GTF2F1: variants seen among roughly 807,000 people sequenced by gnomAD.
GTF2F1 encodes the protein general transcription factor IIF 74 kDa subunit.
In GTF2F1, 39 loss-of-function variants were observed where a neutral mutation model predicts 63.5. The ratio of observed to expected loss-of-function variants is 0.61; its 90% CI spans 0.48 to 0.80. The LOEUF is 0.80. Among genes scored for constraint, GTF2F1 ranks in the 30% least tolerant of loss-of-function variants. The probability of loss-of-function intolerance (pLI) is 0.00; values close to 1 mark genes in which losing one functional copy is unlikely to be tolerated. For synonymous variants in GTF2F1, 287 were observed against 285.3 expected, an observed-to-expected ratio of 1.01 and a Z score of -0.06; for missense variants, 657 against 718.3, an observed-to-expected ratio of 0.91 and a Z score of 0.97.
Position 6,393,153 on chromosome 19 carries a change from T to A in GTF2F1, c.-158A>T. 1 of 912,026 alleles carries A rather than the reference T, an allele frequency of 1.1e-6. No individual in the cohort carries two copies. Among genetic ancestry groups the A allele is most frequent in the Non-Finnish European group, 1.7e-6 (1 of 591,242 alleles). 56.5% of individuals were successfully genotyped at this position (912,026 alleles called of 1,614,324 possible). ...AGGCGCCTCTGGCGCTGGGAAAAGG[T>A]AACCGGAAGAGGCGCTCAAGCTACT... On this transcript the variant is annotated 5_prime_UTR_variant, in exon 1 of 13. Coordinates refer to ENST00000394456, the MANE Select transcript of GTF2F1 (RefSeq NM_002096.3).
At chr19:6,392,501 C>T in intron 2 of GTF2F1, 1 of 536,724 alleles carries the variant, frequency 1.9e-6, no homozygotes, top group Non-Finnish European at 3.5e-6. Flanking sequence ...GGGAGGCACT[C>T]ATGGCAGAGG....
In GTF2F1 at chr19:6,389,571, C is replaced by A; in HGVS notation, c.199G>T (p.Ala67Ser). 2 of 1,614,146 alleles carry A rather than the reference C, an allele frequency of 1.2e-6. No homozygotes were observed. Among genetic ancestry groups the A allele is most frequent in the Non-Finnish European group, 1.7e-6 (2 of 1,179,984 alleles). The change falls in exon 4 of 13, where the codon GCG becomes TCG. Residue 67 changes from alanine to serine, a missense_variant. Physicochemically the swap from Ala to Ser is moderately conservative, Grantham distance 99. This residue lies in a region of GTF2F1 where 602 missense variants were observed against 625.6 expected (regional missense o/e 0.96). Transcript: ENST00000394456. Reference sequence around the variant, plus strand: ...AGCTTGCGGTTGAACTCACTGCCCGCGCCCGATTCGGGCATCTCCTCCTCT... The same window carrying A: ...AGCTTGCGGTTGAACTCACTGCCCGAGCCCGATTCGGGCATCTCCTCCTCT... ...YQEEEMPESG[A>S]GSEFNRKLRE...
Position 6,380,399 on chromosome 19 carries a change from G to A in GTF2F1, c.1436C>T (p.Thr479Ile). The A allele has an allele frequency of 6.2e-7, 1 of 1,614,128 alleles. No homozygotes were observed. Among genetic ancestry groups the A allele is most frequent in the East Asian group, 2.2e-5 (1 of 44,878 alleles). The part of the protein sequence containing the change: ...TTKDLLKKFQ[T>I]KKTGLSSEQT... ...CTCGCTGCTCAGCCCTGTCTTCTTG[G>A]TCTGGAACTTTTTCAGCAGGTCCTT... Residue 479 changes from threonine to isoleucine, a missense_variant, in exon 13 of 13, where the codon ACC (threonine) becomes ATC (isoleucine). This residue lies in a region of GTF2F1 where 55 missense variants were observed against 92.6 expected (regional missense o/e 0.59). Coordinates refer to ENST00000394456, the MANE Select transcript of GTF2F1 (RefSeq NM_002096.3). This position sits in a 1 kb window ranked among gnomAD's most constrained non-coding sequence, Gnocchi z 5.3.
chr19:6,385,909 C>CA (rs1329966315), intron 5 of GTF2F1, among the ~76,000 whole-genome samples: 1 of 151,560 alleles, frequency 6.6e-6, no homozygotes, highest in Non-Finnish European at 1.5e-5. Flanking sequence ...CCATCTGTAC[C>CA]AAAAAAATAG....
intron 2 of GTF2F1, chr19:6,392,244 G>A (rs1199889492): frequency 3.8e-6 from 2 of 523,016 alleles, no homozygotes; most frequent in African/African-American, 3.8e-5. Flanking sequence ...CACTGGATAC[G>A]GAAGACTCCA....
rs146571246 is a variant in GTF2F1, at chr19:6,380,324, C to A, written c.1511G>T (p.Arg504Leu). ...GTGCATTTTGTCGTTGATCATCTTG[C>A]GCTCGGGGTTGAGTCGCTTGAGGAT... ...AQILKRLNPE[R>L]KMINDKMHFS... The change falls in exon 13 of 13, where the codon CGC becomes CTC. Residue 504 changes from arginine (R) to leucine (L), a missense_variant. Physicochemically the swap from Arg to Leu is moderately radical, Grantham distance 102. This residue lies in a region of GTF2F1 where 55 missense variants were observed against 92.6 expected (regional missense o/e 0.59). Transcript: ENST00000394456. The surrounding 1 kb of genome is among the most constrained non-coding windows in gnomAD (Gnocchi z 5.3). The A allele has an allele frequency of 3.7e-6, 6 of 1,614,094 alleles. No homozygotes were observed. The Admixed American group carries it at 8.3e-5, about 22-fold the overall frequency.
Position 6,387,480 on chromosome 19 carries a change from C to G in GTF2F1, c.406G>C (p.Glu136Gln). 1 of 1,614,176 alleles carries G rather than the reference C, an allele frequency of 6.2e-7. No individual in the cohort carries two copies. The highest frequency in any genetic ancestry group is 8.5e-7 in the Non-Finnish European group (1 of 1,179,992). The change falls in exon 5 of 13, where the codon GAG becomes CAG. Residue 136 changes from glutamate (E) to glutamine (Q), a missense_variant. Around this residue, in one of 2 missense-constraint regions of GTF2F1, gnomAD observed 602 missense variants for 625.6 expected, o/e 0.96. Transcript: ENST00000394456. ...IFTQCPDGAFEAFPVHNWYNF... is the reference protein window; with the variant it reads ...IFTQCPDGAFQAFPVHNWYNF... ...TACCAGTTGTGCACGGGGAAGGCCTCGAAGGCCCCGTCGGGGCACTGGGTG... is the reference window on the plus strand; with the variant it reads ...TACCAGTTGTGCACGGGGAAGGCCTGGAAGGCCCCGTCGGGGCACTGGGTG...
In GTF2F1 at chr19:6,381,778, C is replaced by G. The variant is rs770875178; in HGVS notation, c.755G>C (p.Gly252Ala). 6.2e-7 allele frequency: 1 copy of G among 1,613,988 alleles called. No individual in the cohort carries two copies. The highest frequency in any genetic ancestry group is 8.5e-7 in the Non-Finnish European group (1 of 1,179,984). The change falls in exon 7 of 13, where the codon GGT becomes GCT. Residue 252 changes from glycine (G) to alanine (A), a missense_variant. This residue lies in a region of GTF2F1 where 602 missense variants were observed against 625.6 expected (regional missense o/e 0.96). Coordinates refer to ENST00000394456, the MANE Select transcript of GTF2F1 (RefSeq NM_002096.3). The surrounding 1 kb of genome is among the most constrained non-coding windows in gnomAD (Gnocchi z 4.1). ...GTCCTCGAAGGCCTCGTCGTCTGAACCCTTCTTCTTCTTCTTTTTCCTGCC... is the reference window on the plus strand; with the variant it reads ...GTCCTCGAAGGCCTCGTCGTCTGAAGCCTTCTTCTTCTTCTTTTTCCTGCC... ...KGGRKKKKKK[G>A]SDDEAFEDSD...
At chr19:6,387,047 C>G (rs1288219574) in intron 5 of GTF2F1, 2 of 285,534 alleles carry the variant, frequency 7.0e-6, no homozygotes, top group Admixed American at 4.7e-5. Context: ...TAGAGAAACC[C>G]TCCTCGGGTG....
At chr19:6,388,808 C>T (rs1443195345) in intron 4 of GTF2F1, among the ~76,000 whole-genome samples, 1 of 152,126 alleles carries the variant, frequency 6.6e-6, no homozygotes, top group Non-Finnish European at 1.5e-5. Context: ...ATTAGCCAGG[C>T]ATGGTGGGGC....
intron 3 of GTF2F1, among the ~76,000 whole-genome samples, chr19:6,391,030 T>C (rs562980062): frequency 1.6e-4 from 24 of 152,304 alleles, no homozygotes; most frequent in African/African-American, 5.5e-4. Context: ...GGTCCATATA[T>C]ACCATTTCCA....
rs965063800 is a variant in GTF2F1, at chr19:6,393,074, G to A, written c.-79C>T. 4 of 1,583,154 alleles carry A rather than the reference G, an allele frequency of 2.5e-6. No individual in the cohort carries two copies. The highest frequency in any genetic ancestry group is 3.5e-6 in the Non-Finnish European group (4 of 1,155,056). ...CTGGCGTGCGCGTCCCTCGATCCCGGGGAAGCCGCCGCTCGGTGTCGGGTC... is the reference window on the plus strand; with the variant it reads ...CTGGCGTGCGCGTCCCTCGATCCCGAGGAAGCCGCCGCTCGGTGTCGGGTC... On this transcript the variant is annotated 5_prime_UTR_variant, in exon 1 of 13. Coordinates refer to ENST00000394456, the MANE Select transcript of GTF2F1 (RefSeq NM_002096.3).
Position 6,381,669 on chromosome 19 carries a change from TCTCGCAGGCGCCTCCCGTCGGCCTCAC to T in GTF2F1, c.836+1_836+27del. The T allele has an allele frequency of 1.2e-6, 2 of 1,613,988 alleles. No homozygotes were observed. ...CGCGCGCTCGCGAGGCTGCATGGGG[TCTCGCAGGCGCCTCCCGTCGGCCTCAC>T]CTGGAGCCGTCTGACATGTAGTCCA... On this transcript the variant is annotated splice_donor_variant and splice_donor_5th_base_variant and intron_variant, in intron 7 of 12. Coordinates refer to ENST00000394456, the MANE Select transcript of GTF2F1 (RefSeq NM_002096.3). LOFTEE classifies it high-confidence loss of function. The surrounding 1 kb of genome is among the most constrained non-coding windows in gnomAD (Gnocchi z 4.1).
At chr19:6,388,466 C>T (rs1410660681) in intron 4 of GTF2F1, among the ~76,000 whole-genome samples, 1 of 152,232 alleles carries the variant, frequency 6.6e-6, no homozygotes, top group Non-Finnish European at 1.5e-5. Flanking sequence ...CACCCAACTG[C>T]TGTGCCTGGA....
In GTF2F1 at chr19:6,383,587, A is replaced by C; in HGVS notation, c.498-92T>G. ...GCGAGCCCCAGGGCACCACCCACAT[A>C]GCCTTCAAGGTGATGTGGCCCCCGG... is the stretch of plus-strand genomic sequence containing the variant. On this transcript the variant is annotated intron_variant, in intron 5 of 12. Transcript: ENST00000394456. This position sits in a 1 kb window ranked among gnomAD's most constrained non-coding sequence, Gnocchi z 4.5. 7.3e-7 allele frequency: 1 copy of C among 1,365,332 alleles called. No homozygotes were observed. The highest frequency in any genetic ancestry group is 1.0e-6 in the Non-Finnish European group (1 of 980,910). 84.6% of individuals were successfully genotyped at this position (1,365,332 alleles called of 1,614,324 possible).
rs1187553049 is a variant in GTF2F1 at position 6,383,837 on chromosome 19, C to T, written c.498-342G>A. ...TCTGAGACAGAGTATCGCTCTGTCG[C>T]CCAGACTGGAGTGCAGTGATGTGAT... is the stretch of plus-strand genomic sequence containing the variant. On this transcript the variant is annotated intron_variant, in intron 5 of 12. Coordinates refer to ENST00000394456, the MANE Select transcript of GTF2F1 (RefSeq NM_002096.3). This position sits in a 1 kb window ranked among gnomAD's most constrained non-coding sequence, Gnocchi z 4.5. Among the ~76,000 whole-genome samples the T allele has an allele frequency of 6.6e-6, 1 of 152,148 alleles. No homozygotes were observed. Among genetic ancestry groups the T allele is most frequent in the African/African-American group, 2.4e-5 (1 of 41,460 alleles).
chr19:6,390,622 A>C (rs1305571190), intron 3 of GTF2F1, among the ~76,000 whole-genome samples: 1 of 151,702 alleles, frequency 6.6e-6, no homozygotes, highest in South Asian at 2.1e-4. Context: ...CTAAAAATAA[A>C]AAGGCTGGGC....
rs978771640 is a variant in GTF2F1 at position 6,383,238 on chromosome 19, G to A, written c.682+73C>T. ...TCATTCTAGGGCCACTGTGAGCGAT[G>A]GTAGACTTTGCCTTCACTGGCACTG... On this transcript the variant is annotated intron_variant, in intron 6 of 12. Transcript: ENST00000394456. This position sits in a 1 kb window ranked among gnomAD's most constrained non-coding sequence, Gnocchi z 4.5. The A allele has an allele frequency of 3.4e-6, 5 of 1,490,184 alleles. No individual in the cohort carries two copies. The Admixed American group carries it at 5.1e-5, about 15-fold the overall frequency. 92.3% of individuals were successfully genotyped at this position (1,490,184 alleles called of 1,614,324 possible). A position where few individuals can be genotyped will look rare whatever the true frequency, so the allele number is the denominator to read the frequency against.
Position 6,393,092 on chromosome 19 carries a change from G to T in GTF2F1, c.-97C>A. 6.5e-7 allele frequency: 1 copy of T among 1,527,734 alleles called. No homozygotes were observed. Among genetic ancestry groups the T allele is most frequent in the Non-Finnish European group, 9.0e-7 (1 of 1,105,582 alleles). The allele number at this position is 1,527,734 out of a possible 1,614,324, so 94.6% of individuals were successfully genotyped here. On this transcript the variant is annotated 5_prime_UTR_variant, in exon 1 of 13. Coordinates refer to ENST00000394456, the MANE Select transcript of GTF2F1 (RefSeq NM_002096.3). Reference sequence around the variant, plus strand: ...GATCCCGGGGAAGCCGCCGCTCGGTGTCGGGTCTCTGTGCCTGAGCGAGGA... The same window carrying T: ...GATCCCGGGGAAGCCGCCGCTCGGTTTCGGGTCTCTGTGCCTGAGCGAGGA...
Sources: allele counts gnomAD v4.1 joint callset (sites outside exome capture counted in the v4.1 genomes callset), GRCh38; gene constraint gnomAD v4.1.1; regional missense constraint gnomAD v4.1.1; non-coding constraint Gnocchi (gnomAD v3.1); transcripts MANE v1.5; gene names NCBI Gene and HGNC (gene_info 2026-07-23, HGNC 2026-07-21).